The following CFAP44 variants were observed in gnomAD, a reference collection of about 807,000 sequenced individuals.
CFAP44 encodes the protein cilia- and flagella-associated protein 44.
CFAP44 carries 134 observed loss-of-function variants against 216.2 expected under a neutral mutation model. That is an observed-to-expected ratio of 0.62 (90% CI 0.54 to 0.72). The LOEUF (loss-of-function observed/expected upper bound fraction) is 0.72. CFAP44 is among the 30% of genes least tolerant of loss of function. CFAP44 has a pLI of 0.00. For missense variants in CFAP44, 2,035 were observed against 2,182.1 expected (o/e 0.93, Z 1.34); for synonymous variants, 700 against 727.6 (o/e 0.96, Z 0.61).
In CFAP44 at chr3:113,366,303, G is replaced by T; in HGVS notation, c.2451C>A (p.Asn817Lys). 1 of 1,590,892 alleles carries T rather than the reference G, an allele frequency of 6.3e-7. No homozygotes were observed. Among genetic ancestry groups the T allele is most frequent in the South Asian group, 1.1e-5 (1 of 88,616 alleles). Residue 817 changes from asparagine to lysine, a missense_variant, in exon 19 of 35, where the codon AAC becomes AAA. Asn to Lys is a moderately conservative substitution (Grantham distance 94). Coordinates refer to ENST00000393845, the MANE Select transcript of CFAP44 (RefSeq NM_001164496.2). ...NPIQTITFNI[N>K]KVMMFCGMKN... ...TCATTCCACAAAACATCATAACTTT[G>T]TTAATGCTACGAAACAAAAAATGTA...
In CFAP44 at chr3:113,305,120, T is replaced by A; in HGVS notation, c.4791A>T (p.Ala1597=). Residue 1597 remains alanine (A), a synonymous_variant, in exon 31 of 35, where the codon GCA becomes GCT. Coordinates refer to ENST00000393845, the MANE Select transcript of CFAP44 (RefSeq NM_001164496.2). ...VKIVATNLNA[A]EEALEAYQRE... ...GCTGATAAGCCTCCAGGGCCTCCTC[T>A]GCTGCATTCAGATTAGTTGCCACAA... 1 of 1,537,282 alleles carries A rather than the reference T, an allele frequency of 6.5e-7. No individual in the cohort carries two copies. The highest frequency in any genetic ancestry group is 8.7e-7 in the Non-Finnish European group (1 of 1,146,912).
Position 113,409,230 on chromosome 3 carries a change from T to G in CFAP44, c.766A>C (p.Ile256Leu). Residue 256 changes from isoleucine (I) to leucine (L), a missense_variant, in exon 7 of 35, where the codon ATC (isoleucine) becomes CTC (leucine). Ile to Leu is a conservative substitution (Grantham distance 5). Around this residue, in one of 3 missense-constraint regions of CFAP44, gnomAD observed 1,883 missense variants for 2,023.7 expected, o/e 0.93. Transcript: ENST00000393845. ...VGSNPDYTLT[I>L]WNWKEEQPIL... Reference sequence around the variant, plus strand: ...GGTTGTTCTTCTTTCCAGTTCCAGATAGTCAGTGTGTAGTCAGGGTTACTA... The same window carrying G: ...GGTTGTTCTTCTTTCCAGTTCCAGAGAGTCAGTGTGTAGTCAGGGTTACTA... 2 of 1,614,126 alleles carry G rather than the reference T, an allele frequency of 1.2e-6. No individual in the cohort carries two copies. The highest frequency in any genetic ancestry group is 2.2e-5 in the South Asian group (2 of 91,086).
At chr3:113,421,471 C>G (rs1934813639) in intron 4 of CFAP44, among the ~76,000 whole-genome samples, 1 of 152,194 alleles carries the variant, frequency 6.6e-6, no homozygotes, top group South Asian at 2.1e-4. Flanking sequence ...ACCATTCAAC[C>G]TAGTAATCCA....
At position 113,307,904 on chromosome 3, in the gene CFAP44, C is replaced by T. The variant is rs541352918; in HGVS notation, c.4627+254G>A. ...CTGATGCAGGAGAATAGCTTGAACC[C>T]GGGAGGTGGAGGTTGCAGTGAGCCG... On this transcript the variant is annotated intron_variant, in intron 29 of 34. Coordinates refer to ENST00000393845, the MANE Select transcript of CFAP44 (RefSeq NM_001164496.2). 7.3e-4 allele frequency among the ~76,000 whole-genome samples: 111 copies of T among 152,228 alleles called. 1 individual carries two copies. The highest frequency in any genetic ancestry group is 2.4e-3 in the African/African-American group (100 of 41,530).
chr3:113,347,456 C>G (rs533458956), intron 22 of CFAP44, among the ~76,000 whole-genome samples: 1 of 152,182 alleles, frequency 6.6e-6, no homozygotes, highest in Non-Finnish European at 1.5e-5. Context: ...CCTCCTGCCT[C>G]TCTTCTCTGA....
chr3:113,307,922 G>A (rs559756003), intron 29 of CFAP44, among the ~76,000 whole-genome samples: 2 of 152,236 alleles, frequency 1.3e-5, no homozygotes, highest in African/African-American at 2.4e-5. Flanking sequence ...GGAGGTTGCA[G>A]TGAGCCGAGA....
intron 5 of CFAP44, among the ~76,000 whole-genome samples, chr3:113,419,129 A>G (rs1335082981): frequency 6.6e-6 from 1 of 152,216 alleles, no homozygotes; most frequent in Non-Finnish European, 1.5e-5. Flanking sequence ...TAAATATGTG[A>G]TAATTAGATG....
intron 5 of CFAP44, chr3:113,417,290 A>G (rs907916198): frequency 2.0e-5 from 3 of 152,240 alleles, no homozygotes; most frequent in African/African-American, 7.2e-5. Flanking sequence ...CAGAAGTAAG[A>G]AAGATATAAT....
rs867166831 is a variant in CFAP44, at chr3:113,401,754, A to G, written c.1171-15T>C. 2 of 1,589,126 alleles carry G rather than the reference A, an allele frequency of 1.3e-6. No individual in the cohort carries two copies. Among genetic ancestry groups the G allele is most frequent in the Middle Eastern group, 3.4e-4 (2 of 5,860 alleles). The stretch of plus-strand genomic sequence containing the variant: ...AAATCCCATATCTTGTAAAATGAAA[A>G]GAAAATACTTTAATCGATCAGTAGT... On this transcript the variant is annotated splice_polypyrimidine_tract_variant and intron_variant, in intron 9 of 34. Coordinates refer to ENST00000393845, the MANE Select transcript of CFAP44 (RefSeq NM_001164496.2).
At chr3:113,357,404 T>C (rs1950501244) in intron 22 of CFAP44, among the ~76,000 whole-genome samples, 1 of 152,022 alleles carries the variant, frequency 6.6e-6, no homozygotes, top group South Asian at 2.1e-4. Flanking sequence ...GACACAGAGA[T>C]GGACATACAC....
intron 8 of CFAP44, among the ~76,000 whole-genome samples, chr3:113,406,623 C>CAA (rs760843818): frequency 1.3e-5 from 1 of 79,972 alleles, no homozygotes; most frequent in Non-Finnish European, 2.6e-5. Context: ...GACCCTGTCT[C>CAA]AAAAAAAAAA....
In CFAP44 at chr3:113,398,720, CAATTATATCCA is replaced by C. The variant is rs1047838030; in HGVS notation, c.1569+1175_1569+1185del. Among the ~76,000 whole-genome samples the C allele has an allele frequency of 3.3e-5, 5 of 152,196 alleles. No homozygotes were observed. In the East Asian group the frequency reaches 7.7e-4, roughly 23 times the overall value. ...CCCATCATGAAATTCCCCCTAATTC[CAATTATATCCA>C]AATTTACTTTTAGCCTGGAATATTT... is the stretch of plus-strand genomic sequence containing the variant. On this transcript the variant is annotated intron_variant, in intron 13 of 34. Transcript: ENST00000393845.
chr3:113,362,132 A>G (rs1430632821), intron 21 of CFAP44, among the ~76,000 whole-genome samples: 8 of 151,838 alleles, frequency 5.3e-5, no homozygotes, highest in Non-Finnish European at 1.0e-4. Flanking sequence ...ATCTTGGTTG[A>G]GGGAGAACAT....
intron 28 of CFAP44, among the ~76,000 whole-genome samples, chr3:113,313,528 A>G (rs999794586): frequency 6.6e-6 from 1 of 152,008 alleles, no homozygotes; most frequent in Non-Finnish European, 1.5e-5. Flanking sequence ...AGGACATGAG[A>G]TTTGGAGGGG....
At position 113,426,867 on chromosome 3, in the gene CFAP44, C is replaced by A. The variant is rs574734776; in HGVS notation, c.253+320G>T. The A allele has an allele frequency of 5.6e-5, 16 of 288,228 alleles. No homozygotes were observed. The South Asian group carries it at 8.3e-4, about 15-fold the overall frequency. The allele number at this position is 288,228 out of a possible 1,614,324, so 17.9% of individuals were successfully genotyped here. On this transcript the variant is annotated intron_variant, in intron 3 of 34. Transcript: ENST00000393845. ...AATGCTGAGTTCTGGTCGGTCATGG[C>A]GCAACAGTCTCCAAGGGGAACTCCC... is the stretch of plus-strand genomic sequence containing the variant.
In CFAP44 at chr3:113,294,816, C is replaced by T; in HGVS notation, c.5244G>A (p.Lys1748=). ...TCAGTTCCCATCGCATTTGAGCAAT[C>T]TTTTCCTACCAGGGTGGGAAGATGC... ...NAKEMKMWEE[K]IAQMRWELMM... The change falls in exon 34 of 35, where the codon AAG becomes AAA. Residue 1748 remains lysine (K), a synonymous_variant. Transcript: ENST00000393845. 6.5e-7 allele frequency: 1 copy of T among 1,527,678 alleles called. No individual in the cohort carries two copies. The highest frequency in any genetic ancestry group is 8.7e-7 in the Non-Finnish European group (1 of 1,143,858). 94.6% of individuals were successfully genotyped at this position (1,527,678 alleles called of 1,614,324 possible). A position where few individuals can be genotyped will look rare whatever the true frequency, so the allele number is the denominator to read the frequency against.
intron 13 of CFAP44, among the ~76,000 whole-genome samples, chr3:113,398,911 G>A (rs1200715912): frequency 6.6e-6 from 1 of 152,176 alleles, no homozygotes; most frequent in Non-Finnish European, 1.5e-5. Flanking sequence ...GCTTGTGACT[G>A]TGTGACTGCT....
At chr3:113,408,209 G>T (rs1187435914) in intron 7 of CFAP44, among the ~76,000 whole-genome samples, 1 of 152,168 alleles carries the variant, frequency 6.6e-6, no homozygotes, top group Admixed American at 6.5e-5. Flanking sequence ...CTCTGGGGTG[G>T]TAGAAGATTG....
chr3:113,409,387 T>G (rs1350583483), intron 6 of CFAP44, 65 bp from the exon 7 acceptor site: 2 of 1,457,102 alleles, frequency 1.4e-6, no homozygotes, highest in African/African-American at 2.8e-5. Flanking sequence ...AAACATATTG[T>G]AAAAAAAAGA....
Sources: allele counts gnomAD v4.1 joint callset (sites outside exome capture counted in the v4.1 genomes callset), GRCh38; gene constraint gnomAD v4.1.1; regional missense constraint gnomAD v4.1.1; transcripts MANE v1.5; gene names NCBI Gene and HGNC (gene_info 2026-07-23, HGNC 2026-07-21).